The following DLG2 variants were observed in gnomAD, a reference collection of about 807,000 sequenced individuals.
DLG2 encodes discs large MAGUK scaffold protein 2.
A neutral mutation model predicts 132.5 loss-of-function variants in DLG2; 45 were observed. That is an observed-to-expected ratio of 0.34 (90% CI 0.27 to 0.44). DLG2 has a LOEUF of 0.44. Among genes scored for constraint, DLG2 ranks in the 20% least tolerant of loss-of-function variants. The pLI, the probability that DLG2 is intolerant of heterozygous loss-of-function variation, is 1.00. For synonymous variants in DLG2, 424 were observed against 419.6 expected (o/e 1.01, Z -0.13); for missense variants, 1,045 against 1,196.9 (o/e 0.87, Z 1.87).
intron 19 of DLG2, among the ~76,000 whole-genome samples, chr11:83,625,751 A>T (rs1319848202): frequency 6.6e-6 from 1 of 152,226 alleles, no homozygotes; most frequent in Non-Finnish European, 1.5e-5. Flanking sequence ...CCCAATTTAA[A>T]GAGTTTGTCA....
intron 3 of DLG2, among the ~76,000 whole-genome samples, chr11:85,397,479 T>C (rs1243660508): frequency 1.3e-5 from 2 of 152,064 alleles, no homozygotes; most frequent in African/African-American, 2.4e-5. Context: ...AAGATAAAGA[T>C]TGGCAAATTG....
At chr11:84,392,032 T>C (rs575381012) in intron 7 of DLG2, among the ~76,000 whole-genome samples, 1 of 152,324 alleles carries the variant, frequency 6.6e-6, no homozygotes, top group Admixed American at 6.5e-5. Context: ...GGATTTGGTA[T>C]CTACCTAATG....
chr11:84,814,960 G>A (rs1009755380), intron 6 of DLG2, among the ~76,000 whole-genome samples: 2 of 152,062 alleles, frequency 1.3e-5, no homozygotes, highest in African/African-American at 4.8e-5. Flanking sequence ...GCTGCTTTCT[G>A]GGAGACATGT....
intron 21 of DLG2, chr11:83,486,349 T>C (rs2137728879): frequency 1.3e-5 from 7 of 549,066 alleles, no homozygotes; most frequent in South Asian, 8.8e-5. Context: ...TGACTTGTCA[T>C]GCAAAAAAAA....
intron 6 of DLG2, among the ~76,000 whole-genome samples, chr11:85,015,839 A>G (rs10501584): frequency 0.023 from 3,427 of 152,262 alleles, 49 homozygotes; most frequent in Middle Eastern, 0.037. Flanking sequence ...ATAATCTTAA[A>G]TTCAAACTCT....
intron 6 of DLG2, among the ~76,000 whole-genome samples, chr11:84,738,721 A>G (rs1332655240): frequency 6.6e-6 from 1 of 152,124 alleles, no homozygotes; most frequent in Non-Finnish European, 1.5e-5. Context: ...ACAGCTTGGC[A>G]TTTCTTAAAA....
At chr11:85,386,807 G>A (rs1377494307) in intron 3 of DLG2, among the ~76,000 whole-genome samples, 2 of 142,882 alleles carry the variant, frequency 1.4e-5, no homozygotes, top group African/African-American at 2.6e-5. Context: ...GAGAAAGGAA[G>A]TAAAACAGGA....
chr11:84,823,760 T>A (rs1197959559), intron 6 of DLG2, among the ~76,000 whole-genome samples: 2 of 151,910 alleles, frequency 1.3e-5, no homozygotes, highest in Non-Finnish European at 2.9e-5. Flanking sequence ...TTTGTTTCGT[T>A]CACTGCTTTA....
intron 6 of DLG2, among the ~76,000 whole-genome samples, chr11:84,576,900 A>G (rs2099501497): frequency 6.6e-6 from 1 of 152,154 alleles, no homozygotes; most frequent in Non-Finnish European, 1.5e-5. Flanking sequence ...ACTTTGTGAT[A>G]TGGTTTGGCT....
intron 12 of DLG2, among the ~76,000 whole-genome samples, chr11:83,966,809 A>G (rs1189121553): frequency 1.3e-5 from 2 of 152,102 alleles, no homozygotes; most frequent in Non-Finnish European, 2.9e-5. Context: ...TTTATTAACT[A>G]TAGTCTTTAT....
chr11:83,970,933 C>A (rs768272490), intron 12 of DLG2, among the ~76,000 whole-genome samples: 13 of 152,104 alleles, frequency 8.5e-5, no homozygotes, highest in Non-Finnish European at 1.3e-4. Flanking sequence ...CCAAAAAGTG[C>A]TCTTTTGTGC....
intron 6 of DLG2, among the ~76,000 whole-genome samples, chr11:85,004,979 G>A (rs990661825): frequency 3.9e-5 from 6 of 152,196 alleles, no homozygotes; most frequent in African/African-American, 1.2e-4. Context: ...TTATTAAATA[G>A]GGAATCCTTT....
At chr11:84,464,159 G>A (rs888763695) in intron 7 of DLG2, among the ~76,000 whole-genome samples, 12 of 151,194 alleles carry the variant, frequency 7.9e-5, no homozygotes, top group African/African-American at 2.9e-4. Context: ...ATTAAGGGCT[G>A]TGCTCTGTGC....
intron 11 of DLG2, among the ~76,000 whole-genome samples, chr11:84,010,445 A>G (rs1231081943): frequency 1.3e-5 from 2 of 151,912 alleles, no homozygotes; most frequent in Admixed American, 6.6e-5. Flanking sequence ...GGTGCATACG[A>G]CTACCCCAGC....
intron 6 of DLG2, among the ~76,000 whole-genome samples, chr11:84,535,478 C>T (rs2099353162): frequency 6.6e-6 from 1 of 152,150 alleles, no homozygotes. Flanking sequence ...CTTTTCTTAA[C>T]CATCTTGCTT....
intron 6 of DLG2, among the ~76,000 whole-genome samples, chr11:84,766,706 G>A (rs2068465453): frequency 6.6e-6 from 1 of 152,024 alleles, no homozygotes; most frequent in Non-Finnish European, 1.5e-5. Context: ...TCCCTACAAA[G>A]TAGACACTAC....
At chr11:85,188,111 G>A (rs2080258067) in intron 4 of DLG2, among the ~76,000 whole-genome samples, 1 of 152,146 alleles carries the variant, frequency 6.6e-6, no homozygotes, top group Non-Finnish European at 1.5e-5. Flanking sequence ...CCTAAAGAGA[G>A]TAAAAGTTGG....
intron 5 of DLG2, among the ~76,000 whole-genome samples, chr11:85,148,829 C>T (rs1044024313): frequency 6.6e-6 from 1 of 152,172 alleles, no homozygotes; most frequent in African/African-American, 2.4e-5. Flanking sequence ...TTGCCCATGC[C>T]TCTGTCTTGA....
intron 19 of DLG2, among the ~76,000 whole-genome samples, chr11:83,620,269 T>C (rs2061422548): frequency 6.9e-6 from 1 of 145,228 alleles, no homozygotes; most frequent in African/African-American, 2.5e-5. Context: ...TTAAAAAAAA[T>C]CTGTTTTTTT....
Sources: allele counts gnomAD v4.1 joint callset (sites outside exome capture counted in the v4.1 genomes callset), GRCh38; gene constraint gnomAD v4.1.1; transcripts MANE v1.5; gene names NCBI Gene and HGNC (gene_info 2026-07-23, HGNC 2026-07-21).